The following CDH18 variants were observed in gnomAD, a reference collection of about 807,000 sequenced individuals.
CDH18 encodes cadherin-18.
In CDH18, 31 loss-of-function variants were observed where a neutral mutation model predicts 67.9. The observed-to-expected ratio is 0.46, with a 90% CI of 0.34 to 0.62. The LOEUF is 0.62. Ranked by LOEUF, CDH18 falls within the 20% of genes least tolerant of loss-of-function variation. The pLI is 0.01. For missense variants in CDH18, 890 were observed against 975.5 expected (o/e 0.91, Z 1.17); for synonymous variants, 362 against 347.2 (o/e 1.04, Z -0.48).
In CDH18 at chr5:20,078,545, G is replaced by T. The variant is rs566291897; in HGVS notation, c.-517-86531C>A. On this transcript the variant is annotated intron_variant, in intron 2 of 14. Transcript: ENST00000507958. Reference sequence around the variant, plus strand: ...GGGAAAACAGATTATCAGTAAAGAAGAAACCAATAGATTAGAGAAAACTTA... The same window carrying T: ...GGGAAAACAGATTATCAGTAAAGAATAAACCAATAGATTAGAGAAAACTTA... Among the ~76,000 whole-genome samples the T allele has an allele frequency of 6.6e-5, 10 of 152,004 alleles. No homozygotes were observed. In the East Asian group the frequency reaches 1.5e-3, roughly 24 times the overall value.
At chr5:20,494,708 C>T (rs750870485) in intron 1 of CDH18, among the ~76,000 whole-genome samples, 2 of 152,056 alleles carry the variant, frequency 1.3e-5, no homozygotes, top group African/African-American at 2.4e-5. Context: ...AACCAGATAA[C>T]CCAGAGTCTC....
At chr5:19,536,782 A>C (rs1397525722) in intron 9 of CDH18, among the ~76,000 whole-genome samples, 1 of 152,162 alleles carries the variant, frequency 6.6e-6, no homozygotes, top group South Asian at 2.1e-4. Flanking sequence ...AGGCCTGAGG[A>C]TCTGCATTAT....
At chr5:19,696,265 ATT>A (rs1762531306) in intron 5 of CDH18, among the ~76,000 whole-genome samples, 2 of 133,976 alleles carry the variant, frequency 1.5e-5, no homozygotes, top group African/African-American at 5.5e-5. Flanking sequence ...GTGTGTGCGT[ATT>A]TTTTAAGACA....
At position 20,273,805 on chromosome 5, in the gene CDH18, A is replaced by T. The variant is rs143054666; in HGVS notation, c.-579-18300T>A. Among the ~76,000 whole-genome samples the T allele has an allele frequency of 7.9e-5, 12 of 152,274 alleles. No individual in the cohort carries two copies. The East Asian group carries it at 2.1e-3, about 27-fold the overall frequency. On this transcript the variant is annotated intron_variant, in intron 1 of 14. Transcript: ENST00000507958. ...GCAATAACATCAAACCTATACCAGGATGTTACATTAAAATAGACCAAGTTA... is the reference window on the plus strand; with the variant it reads ...GCAATAACATCAAACCTATACCAGGTTGTTACATTAAAATAGACCAAGTTA...
intron 2 of CDH18, among the ~76,000 whole-genome samples, chr5:20,172,202 A>ACGTATATATATATATACGTATATATACG (rs372430630): frequency 2.2e-5 from 1 of 46,042 alleles, no homozygotes; most frequent in African/African-American, 1.3e-4. Context: ...ATATATATAT[A>ACGTATATATATATATACGTATATATACG]TATATATATA....
chr5:20,447,542 T>A (rs1750095699), intron 1 of CDH18, among the ~76,000 whole-genome samples: 1 of 152,178 alleles, frequency 6.6e-6, no homozygotes, highest in African/African-American at 2.4e-5. Flanking sequence ...ATTTTATACT[T>A]CCCAGCTCTC....
At chr5:20,176,516 G>A (rs1213254054) in intron 2 of CDH18, among the ~76,000 whole-genome samples, 2 of 151,982 alleles carry the variant, frequency 1.3e-5, no homozygotes, top group Admixed American at 6.6e-5. Context: ...GCCTTTTCAC[G>A]GATCAAATCA....
chr5:19,731,660 A>C (rs550640187), intron 4 of CDH18, among the ~76,000 whole-genome samples: 2 of 152,296 alleles, frequency 1.3e-5, no homozygotes, highest in South Asian at 4.1e-4. Context: ...ACAGAGAGAG[A>C]ATGTTTAAGA....
intron 2 of CDH18, among the ~76,000 whole-genome samples, chr5:19,848,679 T>C (rs1247095111): frequency 1.3e-5 from 2 of 151,836 alleles, no homozygotes; most frequent in Non-Finnish European, 2.9e-5. Context: ...GAGAATGCAA[T>C]ATAGGGCACC....
At chr5:20,300,840 T>G (rs536020539) in intron 1 of CDH18, among the ~76,000 whole-genome samples, 1 of 152,346 alleles carries the variant, frequency 6.6e-6, no homozygotes, top group East Asian at 1.9e-4. Flanking sequence ...CAACTTATTT[T>G]AAAACATAGC....
chr5:19,927,397 C>T (rs542695944), intron 2 of CDH18, among the ~76,000 whole-genome samples: 9 of 152,164 alleles, frequency 5.9e-5, no homozygotes, highest in East Asian at 5.8e-4. Context: ...GATGAGGTTA[C>T]GCAACCTGCC....
At chr5:20,481,288 T>C (rs1161131983) in intron 1 of CDH18, among the ~76,000 whole-genome samples, 1 of 151,080 alleles carries the variant, frequency 6.6e-6, no homozygotes, top group Non-Finnish European at 1.5e-5. Flanking sequence ...GACATAGGAA[T>C]TGTAAATACA....
chr5:20,530,738 A>G (rs1313258532), intron 1 of CDH18, among the ~76,000 whole-genome samples: 1 of 152,124 alleles, frequency 6.6e-6, no homozygotes, highest in African/African-American at 2.4e-5. Flanking sequence ...AAATTAACTC[A>G]AGATGGATTA....
chr5:20,190,039 T>C (rs1266927786), intron 2 of CDH18, among the ~76,000 whole-genome samples: 1 of 152,084 alleles, frequency 6.6e-6, no homozygotes, highest in Non-Finnish European at 1.5e-5. Context: ...GGTCTTCTTT[T>C]TGTAGAGCTT....
intron 2 of CDH18, among the ~76,000 whole-genome samples, chr5:20,226,819 G>A (rs561738736): frequency 2.0e-5 from 3 of 151,912 alleles, no homozygotes; most frequent in Non-Finnish European, 4.4e-5. Flanking sequence ...GTCAGCAGAG[G>A]AGCAGAGGAG....
intron 5 of CDH18, among the ~76,000 whole-genome samples, chr5:19,695,912 T>G (rs1175851323): frequency 6.6e-6 from 1 of 152,192 alleles, no homozygotes; most frequent in Non-Finnish European, 1.5e-5. Flanking sequence ...TACTGCTCTA[T>G]TATCAAATAA....
chr5:19,504,784 C>T (rs981249668), intron 10 of CDH18, among the ~76,000 whole-genome samples: 1 of 152,006 alleles, frequency 6.6e-6, no homozygotes, highest in Non-Finnish European at 1.5e-5. Flanking sequence ...CTATTTTCTC[C>T]ATCATACCTC....
chr5:20,491,945 T>C (rs1753610840), intron 1 of CDH18, among the ~76,000 whole-genome samples: 1 of 152,098 alleles, frequency 6.6e-6, no homozygotes, highest in Non-Finnish European at 1.5e-5. Context: ...ATTCTACCTA[T>C]TTTTTCTAAT....
intron 10 of CDH18, among the ~76,000 whole-genome samples, chr5:19,504,513 A>G (rs994533751): frequency 2.6e-5 from 4 of 151,984 alleles, no homozygotes; most frequent in Non-Finnish European, 5.9e-5. Flanking sequence ...AATCAGATAT[A>G]TTGTAAAAAT....
Sources: gnomAD v4.1 joint callset for allele counts (sites outside exome capture counted in the v4.1 genomes callset) on GRCh38, gnomAD v4.1.1 for gene constraint, MANE v1.5 for transcripts, NCBI Gene and HGNC (gene_info 2026-07-23, HGNC 2026-07-21) for gene names.